The following ZNF236 variants were observed in gnomAD, a reference collection of about 807,000 sequenced individuals.
The protein encoded by ZNF236 is regulated by glucose.
ZNF236 carries 50 observed loss-of-function variants against 191.2 expected under a neutral mutation model. That is an observed-to-expected ratio of 0.26 (90% CI 0.21 to 0.33). The LOEUF is 0.33. Ranked by LOEUF, ZNF236 falls within the 10% of genes least tolerant of loss-of-function variation. ZNF236 has a pLI of 1.00. For synonymous variants in ZNF236, 907 were observed against 928.8 expected (o/e 0.98, Z 0.43); for missense variants, 1,754 against 2,374.5 (o/e 0.74, Z 5.43).
chr18:76,943,055 G>A (rs1397820133), intron 26 of ZNF236, among the ~76,000 whole-genome samples: 2 of 148,972 alleles, frequency 1.3e-5, no homozygotes, highest in African/African-American at 4.9e-5. Context: ...CCCGGGAAGT[G>A]GAGGTTGTAG....
chr18:76,914,283 TCCATTGTAGGATATG>T (rs1189646138), intron 18 of ZNF236, among the ~76,000 whole-genome samples: 1 of 152,186 alleles, frequency 6.6e-6, no homozygotes, highest in Admixed American at 6.5e-5. Flanking sequence ...CTCATTCCTT[TCCATTGTAGGATATG>T]CCACGTCTTA....
intron 6 of ZNF236, among the ~76,000 whole-genome samples, chr18:76,877,101 C>G (rs560378150): frequency 1.3e-5 from 2 of 152,218 alleles, no homozygotes; most frequent in African/African-American, 4.8e-5. Flanking sequence ...TCTACAGTAA[C>G]TAACACTGGG....
Position 76,968,586 on chromosome 18 carries a change from C to A in ZNF236, c.*247C>A. On this transcript the variant is annotated 3_prime_UTR_variant, in exon 31 of 31. Coordinates refer to ENST00000320610, the MANE Select transcript of ZNF236 (RefSeq NM_001306089.2). ...CTCAGGTACTACTGTAGGCAGTTTC[C>A]TCCTCAGTCTCCTCCGTGGCTAGTG... The A allele has an allele frequency of 8.0e-7, 1 of 1,251,854 alleles. No homozygotes were observed. The highest frequency in any genetic ancestry group is 1.0e-6 in the Non-Finnish European group (1 of 999,392). 77.5% of individuals were successfully genotyped at this position (1,251,854 alleles called of 1,614,324 possible).
intron 5 of ZNF236, among the ~76,000 whole-genome samples, chr18:76,873,523 G>A (rs892500146): frequency 6.6e-6 from 1 of 152,198 alleles, no homozygotes; most frequent in African/African-American, 2.4e-5. Flanking sequence ...TGGCGGGCCC[G>A]GGTGGAGGTG....
chr18:76,824,283 G>A, intron 1 of ZNF236: 2 of 780,218 alleles, frequency 2.6e-6, no homozygotes, highest in Non-Finnish European at 4.8e-6. Context: ...GATTGCACTT[G>A]GTAGAGTTAA....
chr18:76,915,324 A>G (rs1194420163), intron 18 of ZNF236, among the ~76,000 whole-genome samples: 3 of 152,160 alleles, frequency 2.0e-5, no homozygotes, highest in Non-Finnish European at 4.4e-5. Flanking sequence ...AATGTAAAAG[A>G]CCAAGGAGAG....
At chr18:76,895,478 C>T (rs1409510177) in intron 10 of ZNF236, 193 bp downstream of exon 10, 1 of 743,150 alleles carries the variant, frequency 1.3e-6, no homozygotes, top group Admixed American at 2.7e-5. Context: ...AGCACCCACA[C>T]CGGTACTGCC....
chr18:76,844,345 A>G (rs1975614849), intron 1 of ZNF236, among the ~76,000 whole-genome samples: 1 of 152,044 alleles, frequency 6.6e-6, no homozygotes, highest in African/African-American at 2.4e-5. Context: ...GCATACTTCT[A>G]ACGACAGCAT....
rs565244370 is a variant in ZNF236 at position 76,926,915 on chromosome 18, C to A, written c.4028-122C>A. On this transcript the variant is annotated intron_variant, in intron 22 of 30. Transcript: ENST00000320610. ...AGTAGGTGTTCGTATTCCACAACAA[C>A]ATTGTATTGACATAATGTGTACAAC... 2.0e-5 allele frequency: 23 copies of A among 1,175,680 alleles called. No homozygotes were observed. The South Asian group carries it at 3.6e-4, about 18-fold the overall frequency. 72.8% of individuals were successfully genotyped at this position (1,175,680 alleles called of 1,614,324 possible).
chr18:76,871,637 A>C (rs990784516), intron 4 of ZNF236, 64 bp from the exon 5 acceptor site: 1 of 1,585,836 alleles, frequency 6.3e-7, no homozygotes, highest in Non-Finnish European at 8.6e-7. Flanking sequence ...TAGGATTTTC[A>C]TTTTGAAATT....
chr18:76,838,298 C>G (rs772322246), intron 1 of ZNF236, among the ~76,000 whole-genome samples: 8 of 152,162 alleles, frequency 5.3e-5, no homozygotes, highest in Non-Finnish European at 1.2e-4. Flanking sequence ...GCCTTATCAG[C>G]TTTAGGGAGA....
At chr18:76,949,485 G>A (rs1229577296) in intron 27 of ZNF236, among the ~76,000 whole-genome samples, 1 of 152,052 alleles carries the variant, frequency 6.6e-6, no homozygotes, top group East Asian at 1.9e-4. Flanking sequence ...TAACCAATCT[G>A]TATGAGTGAA....
chr18:76,908,835 A>C (rs1316387418), intron 14 of ZNF236, among the ~76,000 whole-genome samples: 1 of 152,224 alleles, frequency 6.6e-6, no homozygotes, highest in Non-Finnish European at 1.5e-5. Flanking sequence ...GTTAGGAAAT[A>C]TTCGAAATCT....
intron 1 of ZNF236, among the ~76,000 whole-genome samples, chr18:76,842,210 C>T (rs1446870973): frequency 6.6e-6 from 1 of 151,184 alleles, no homozygotes; most frequent in Admixed American, 6.6e-5. Flanking sequence ...CCCCCCACCC[C>T]CCATAAAGAT....
At position 76,875,918 on chromosome 18, in the gene ZNF236, C is replaced by G. The variant is rs1402466254; in HGVS notation, c.840+254C>G. Among the ~76,000 whole-genome samples, 2 of 152,112 alleles carry G rather than the reference C, an allele frequency of 1.3e-5. No individual in the cohort carries two copies. Among genetic ancestry groups the G allele is most frequent in the South Asian group, 4.1e-4 (2 of 4,824 alleles). ...TGGGGAATAAATATTTGAAAATAATCCTAATACCTTTGTTAGTTATAGTCT... is the reference window on the plus strand; with the variant it reads ...TGGGGAATAAATATTTGAAAATAATGCTAATACCTTTGTTAGTTATAGTCT... On this transcript the variant is annotated intron_variant, in intron 6 of 30. Transcript: ENST00000320610. The surrounding 1 kb of genome is among the most constrained non-coding windows in gnomAD (Gnocchi z 4.3).
At position 76,896,007 on chromosome 18, in the gene ZNF236, G is replaced by A. The variant is rs1370053697; in HGVS notation, c.1690+722G>A. Among the ~76,000 whole-genome samples the A allele has an allele frequency of 5.9e-5, 9 of 151,674 alleles. No individual in the cohort carries two copies. The East Asian group carries it at 7.8e-4, about 13-fold the overall frequency. On this transcript the variant is annotated intron_variant, in intron 10 of 30. Transcript: ENST00000320610. Reference sequence around the variant, plus strand: ...CACGTGGGCACTGGCCACAGGGACCGTACACAGTACCAAACACAGGTACTG... The same window carrying A: ...CACGTGGGCACTGGCCACAGGGACCATACACAGTACCAAACACAGGTACTG...
chr18:76,941,029 G>A (rs1968122139), intron 26 of ZNF236, among the ~76,000 whole-genome samples: 1 of 152,174 alleles, frequency 6.6e-6, no homozygotes, highest in Admixed American at 6.5e-5. Context: ...ATGTGGAAAA[G>A]TTTCATCCCG....
chr18:76,943,040 G>A (rs1355278500), intron 26 of ZNF236, among the ~76,000 whole-genome samples: 1 of 147,010 alleles, frequency 6.8e-6, no homozygotes, highest in East Asian at 2.1e-4. Context: ...GGAGAATGGC[G>A]TGAACCCGGG....
chr18:76,854,881 C>T (rs2122532437), intron 3 of ZNF236, among the ~76,000 whole-genome samples: 1 of 152,224 alleles, frequency 6.6e-6, no homozygotes, highest in East Asian at 1.9e-4. Flanking sequence ...GCCTGTGTCA[C>T]TTATCAATAG....
Sources: allele counts gnomAD v4.1 joint callset (sites outside exome capture counted in the v4.1 genomes callset), GRCh38; gene constraint gnomAD v4.1.1; non-coding constraint Gnocchi (gnomAD v3.1); transcripts MANE v1.5; gene names NCBI Gene and HGNC (gene_info 2026-07-23, HGNC 2026-07-21).